The following NMT1 variants were observed in gnomAD, a reference collection of about 807,000 sequenced individuals.
NMT1 encodes glycylpeptide N-tetradecanoyltransferase 1.
A neutral mutation model predicts 63.4 loss-of-function variants in NMT1; 12 were observed. That is an observed-to-expected ratio of 0.19 (90% CI 0.12 to 0.31). The LOEUF (loss-of-function observed/expected upper bound fraction) is 0.31, where lower values mean the gene tolerates loss of function less well. Among genes scored for constraint, NMT1 ranks in the 10% least tolerant of loss-of-function variants. NMT1 has a pLI of 1.00. For synonymous variants in NMT1, 228 were observed against 234.3 expected (o/e 0.97, Z 0.25); for missense variants, 432 against 634.6 (o/e 0.68, Z 3.43).
At chr17:45,071,689 A>C (rs1392088879) in intron 1 of NMT1, 1 of 152,184 alleles carries the variant, frequency 6.6e-6, no homozygotes, top group Non-Finnish European at 1.5e-5. Context: ...TGAAACCATT[A>C]GAAGTAGTTA....
chr17:45,100,843 A>ACAGAGCAAG (rs2054157455), intron 8 of NMT1, among the ~76,000 whole-genome samples: 1 of 123,912 alleles, frequency 8.1e-6, no homozygotes, highest in Non-Finnish European at 1.7e-5. Context: ...AACCTAGGCA[A>ACAGAGCAAG]CAGAGCAAGA....
chr17:45,091,113 C>T (rs1323831049), intron 3 of NMT1, among the ~76,000 whole-genome samples: 1 of 151,848 alleles, frequency 6.6e-6, no homozygotes, highest in Non-Finnish European at 1.5e-5. Flanking sequence ...CCACATAGTC[C>T]ACCTGCAGCC....
Position 45,104,436 on chromosome 17 carries a change from G to GT in NMT1, c.1333-422dup. 1 of 1,100,574 alleles carries GT rather than the reference G, an allele frequency of 9.1e-7. No homozygotes were observed. Among genetic ancestry groups the GT allele is most frequent in the Non-Finnish European group, 1.1e-6 (1 of 899,318 alleles). The allele number at this position is 1,100,574 out of a possible 1,614,324, so 68.2% of individuals were successfully genotyped here. On this transcript the variant is annotated intron_variant, in intron 10 of 11. Transcript: ENST00000258960. The surrounding 1 kb of genome is among the most constrained non-coding windows in gnomAD (Gnocchi z 4.2). ...CACAGCAGGTGTCATACAACATGAGGTGCACTGAGGGCCTGAGAGTTGGGG... is the reference window on the plus strand; with the variant it reads ...CACAGCAGGTGTCATACAACATGAGGTTGCACTGAGGGCCTGAGAGTTGGGG...
At chr17:45,101,888 G>A (rs2054168988) in intron 8 of NMT1, among the ~76,000 whole-genome samples, 1 of 152,196 alleles carries the variant, frequency 6.6e-6, no homozygotes, top group Non-Finnish European at 1.5e-5. Flanking sequence ...ACTGTGGTAT[G>A]TGTCTTCTCC....
intron 1 of NMT1, among the ~76,000 whole-genome samples, chr17:45,073,644 A>G (rs994918643): frequency 2.6e-5 from 4 of 152,204 alleles, no homozygotes; most frequent in Admixed American, 6.5e-5. Flanking sequence ...GCTGTGTTCT[A>G]TAGCCCAGTG....
chr17:45,093,959 G>T (rs1034623269), intron 4 of NMT1, among the ~76,000 whole-genome samples, 156 bp downstream of exon 4: 4 of 152,264 alleles, frequency 2.6e-5, no homozygotes, highest in African/African-American at 9.6e-5. Context: ...GCATGGCCAA[G>T]ACTCCACATA....
chr17:45,064,170 C>T (rs953761864), intron 1 of NMT1, among the ~76,000 whole-genome samples: 27 of 152,054 alleles, frequency 1.8e-4, no homozygotes, highest in African/African-American at 6.0e-4. Context: ...GGCAACGGAG[C>T]GAGACTCCAT....
intron 1 of NMT1, among the ~76,000 whole-genome samples, chr17:45,069,419 A>G (rs1465401076): frequency 6.6e-6 from 1 of 150,978 alleles, no homozygotes; most frequent in Non-Finnish European, 1.5e-5. Flanking sequence ...AGCCTCCTGG[A>G]TAGCTGGGAC....
intron 1 of NMT1, among the ~76,000 whole-genome samples, chr17:45,065,012 G>C (rs1035027407): frequency 6.6e-6 from 1 of 152,068 alleles, no homozygotes; most frequent in African/African-American, 2.4e-5. Context: ...ATACTGTATT[G>C]TAGCTTTTAT....
At chr17:45,081,381 A>G (rs1021771662) in intron 1 of NMT1, among the ~76,000 whole-genome samples, 1 of 152,246 alleles carries the variant, frequency 6.6e-6, no homozygotes, top group Non-Finnish European at 1.5e-5. Context: ...AATAAGCAAC[A>G]TAAAAGCAAG....
intron 1 of NMT1, among the ~76,000 whole-genome samples, chr17:45,062,310 A>G (rs1235470993): frequency 6.6e-6 from 1 of 152,186 alleles, no homozygotes; most frequent in Non-Finnish European, 1.5e-5. Flanking sequence ...CAGCTTATTC[A>G]TCTTTCTTCA....
intron 3 of NMT1, among the ~76,000 whole-genome samples, chr17:45,088,407 A>G: frequency 6.6e-6 from 1 of 152,228 alleles, no homozygotes; most frequent in East Asian, 1.9e-4. Context: ...TTCCTGAGGA[A>G]TTTGCAAATG....
At position 45,091,597 on chromosome 17, in the gene NMT1, G is replaced by A. The variant is rs57819956; in HGVS notation, c.386-2088G>A. ...AAAGGTATAAATTCAATACAAGTTG[G>A]GAAATTAGCACCTAGATAAGACTAG... On this transcript the variant is annotated intron_variant, in intron 3 of 11. Coordinates refer to ENST00000258960, the MANE Select transcript of NMT1 (RefSeq NM_021079.5). Among the ~76,000 whole-genome samples the A allele has an allele frequency of 1.7e-3, 252 of 152,264 alleles. 4 individuals are homozygous for A. The highest frequency in any genetic ancestry group is 5.9e-3 in the African/African-American group (246 of 41,544).
At chr17:45,068,685 C>T (rs1006397455) in intron 1 of NMT1, among the ~76,000 whole-genome samples, 2 of 152,122 alleles carry the variant, frequency 1.3e-5, no homozygotes, top group Non-Finnish European at 2.9e-5. Flanking sequence ...CTCACTCTGT[C>T]GCCCAGGCTG....
At chr17:45,086,930 G>C (rs1186422024) in intron 3 of NMT1, among the ~76,000 whole-genome samples, 2 of 151,968 alleles carry the variant, frequency 1.3e-5, no homozygotes, top group African/African-American at 4.8e-5. Flanking sequence ...AGGCCGAGGT[G>C]GGAGGATTGT....
At chr17:45,098,236 G>A (rs2054138822) in intron 6 of NMT1, 146 bp from the exon 7 acceptor site, 2 of 675,070 alleles carry the variant, frequency 3.0e-6, no homozygotes, top group South Asian at 3.7e-5. Context: ...GTGTGGTGGG[G>A]AGTCCCAGTA....
chr17:45,076,293 C>T (rs2053976825), intron 1 of NMT1, among the ~76,000 whole-genome samples: 1 of 151,890 alleles, frequency 6.6e-6, no homozygotes, highest in Admixed American at 6.6e-5. Flanking sequence ...ATTATAATTA[C>T]CATGAAAGCT....
chr17:45,102,288 A>G (rs1027017299), intron 8 of NMT1, among the ~76,000 whole-genome samples: 3 of 152,244 alleles, frequency 2.0e-5, no homozygotes, highest in African/African-American at 7.2e-5. Context: ...ATGTTCTACC[A>G]GCCCCGGTAT....
chr17:45,082,878 G>A (rs544879518), intron 2 of NMT1, among the ~76,000 whole-genome samples: 81 of 152,092 alleles, frequency 5.3e-4, no homozygotes, highest in Admixed American at 2.4e-3. Context: ...TTAGTTGGGC[G>A]TGGTGGCAGG....
Sources: allele counts gnomAD v4.1 joint callset (sites outside exome capture counted in the v4.1 genomes callset), GRCh38; gene constraint gnomAD v4.1.1; non-coding constraint Gnocchi (gnomAD v3.1); transcripts MANE v1.5; gene names NCBI Gene and HGNC (gene_info 2026-07-23, HGNC 2026-07-21).